CCDC7: variants seen among roughly 807,000 people sequenced by gnomAD.
CCDC7 encodes the protein coiled-coil domain-containing protein 7.
In CCDC7, 183 loss-of-function variants were observed where a neutral mutation model predicts 196.9. The ratio of observed to expected loss-of-function variants is 0.93; its 90% confidence interval spans 0.82 to 1.05. The LOEUF (loss-of-function observed/expected upper bound fraction) is 1.05, where lower values mean the gene tolerates loss of function less well. CCDC7 is among the 50% of genes least tolerant of loss of function. CCDC7 has a pLI of 0.00. For missense variants in CCDC7, 1,540 were observed against 1,482.2 expected (o/e 1.04, Z -0.64); for synonymous variants, 525 against 484.6 (o/e 1.08, Z -1.10).
chr10:32,849,865 G>C (rs1372006029), intron 39 of CCDC7, among the ~76,000 whole-genome samples: 6 of 152,106 alleles, frequency 3.9e-5, no homozygotes, highest in Non-Finnish European at 5.9e-5. Context: ...AGAACTGAAG[G>C]AGACCTCTGC....
chr10:32,629,040 A>G (rs57560001), intron 18 of CCDC7, among the ~76,000 whole-genome samples: 13,279 of 152,136 alleles, frequency 0.087, 852 homozygotes, highest in East Asian at 0.33. Flanking sequence ...GTTCAAGTCC[A>G]GTGTTTCGTT....
intron 32 of CCDC7, among the ~76,000 whole-genome samples, chr10:32,825,694 A>T (rs1282956455): frequency 6.6e-6 from 1 of 152,136 alleles, no homozygotes; most frequent in Admixed American, 6.5e-5. Flanking sequence ...ATGTGATTAA[A>T]CACAAAAATG....
chr10:32,847,881 T>C (rs1047183903), exon 38 of CCDC7: 1 of 1,611,080 alleles, frequency 6.2e-7, no homozygotes, highest in Non-Finnish European at 8.5e-7. Context: ...AGTAAAACAA[T>C]TGGTGAGATA....
chr10:32,879,324 T>C (rs564897325), downstream of CCDC7, among the ~76,000 whole-genome samples: 1 of 152,324 alleles, frequency 6.6e-6, no homozygotes, highest in East Asian at 1.9e-4. Context: ...CAGTATCTGC[T>C]AAATAAACAT....
At chr10:32,601,267 C>T (rs1157612404) in intron 18 of CCDC7, among the ~76,000 whole-genome samples, 4 of 152,172 alleles carry the variant, frequency 2.6e-5, no homozygotes, top group African/African-American at 9.7e-5. Flanking sequence ...GTTGAGGTTT[C>T]ACCATGTTGA....
At chr10:32,854,767 C>G (rs1401948862) in intron 41 of CCDC7, among the ~76,000 whole-genome samples, 2 of 152,118 alleles carry the variant, frequency 1.3e-5, no homozygotes, top group African/African-American at 2.4e-5. Context: ...CATTTTTAAG[C>G]TACTGCATGA....
At chr10:32,729,622 GCAT>G (rs2083618333) in intron 28 of CCDC7, among the ~76,000 whole-genome samples, 165 bp downstream of exon 29, 1 of 151,924 alleles carries the variant, frequency 6.6e-6, no homozygotes, top group Non-Finnish European at 1.5e-5. Context: ...TTACTCAGTT[GCAT>G]GTGTCAAATC....
At chr10:32,785,781 A>C (rs1392167534) in intron 29 of CCDC7, among the ~76,000 whole-genome samples, 1 of 152,130 alleles carries the variant, frequency 6.6e-6, no homozygotes, top group Admixed American at 6.6e-5. Flanking sequence ...AATTTTCTTC[A>C]TCTCTCTTTA....
At chr10:32,484,936 C>G (rs2134240936) in intron 8 of CCDC7, among the ~76,000 whole-genome samples, 1 of 152,308 alleles carries the variant, frequency 6.6e-6, no homozygotes, top group South Asian at 2.1e-4. Context: ...CGATGTTCAT[C>G]AGGGATATTG....
intron 9 of CCDC7, among the ~76,000 whole-genome samples, chr10:32,501,387 C>T (rs895147085): frequency 9.9e-5 from 15 of 152,054 alleles, no homozygotes; most frequent in Non-Finnish European, 2.2e-4. Flanking sequence ...TCTGTCAATT[C>T]GTCAAACTCA....
intron 11 of CCDC7, among the ~76,000 whole-genome samples, chr10:32,528,648 G>GTA (rs1167289755): frequency 1.9e-3 from 178 of 94,208 alleles, no homozygotes; most frequent in East Asian, 0.012. Context: ...GTGTGTGTGT[G>GTA]TGTATATATA....
intron 41 of CCDC7, among the ~76,000 whole-genome samples, chr10:32,867,542 A>G (rs987394826): frequency 1.3e-5 from 2 of 151,466 alleles, no homozygotes; most frequent in East Asian, 2.0e-4. Context: ...GAATTGATAG[A>G]AAAATCAAAA....
At chr10:32,786,123 A>C (rs188286168) in intron 29 of CCDC7, among the ~76,000 whole-genome samples, 46 of 152,330 alleles carry the variant, frequency 3.0e-4, no homozygotes, top group African/African-American at 1.1e-3. Flanking sequence ...CTGACATTGG[A>C]AGAAATATCT....
intron 33 of CCDC7, among the ~76,000 whole-genome samples, chr10:32,844,922 G>A (rs2093190868): frequency 1.3e-5 from 2 of 151,540 alleles, no homozygotes; most frequent in Non-Finnish European, 3.0e-5. Flanking sequence ...AAAATATATT[G>A]AAATCTGCTT....
intron 41 of CCDC7, among the ~76,000 whole-genome samples, chr10:32,856,346 A>G (rs1021600329): frequency 6.6e-6 from 1 of 152,204 alleles, no homozygotes. Flanking sequence ...GAATATATAG[A>G]GACCTCCTAC....
intron 21 of CCDC7, among the ~76,000 whole-genome samples, chr10:32,671,719 C>G (rs1004816461): frequency 5.9e-5 from 9 of 152,092 alleles, no homozygotes; most frequent in Non-Finnish European, 1.2e-4. Flanking sequence ...CCTCTTCTGA[C>G]TAGTTTAGCT....
At chr10:32,860,688 C>T (rs939018787) in intron 41 of CCDC7, among the ~76,000 whole-genome samples, 17 of 152,156 alleles carry the variant, frequency 1.1e-4, no homozygotes, top group Middle Eastern at 3.2e-3. Flanking sequence ...CCCAAATCTC[C>T]TTAAGCTGAT....
In CCDC7 at chr10:32,846,591, C is replaced by T. The variant is rs530125439; in HGVS notation, c.3688+132C>T. On this transcript the variant is annotated intron_variant, in intron 37 of 41. Coordinates refer to ENST00000639629, the Ensembl canonical transcript of CCDC7. ...ATAGGTAAAATTCATCATGAATATC[C>T]TTTAATTAAGCTCTAGCATTTACTA... 3 of 554,794 alleles carry T rather than the reference C, an allele frequency of 5.4e-6. No homozygotes were observed. In the South Asian group the frequency reaches 8.4e-5, roughly 16 times the overall value. The allele number at this position is 554,794 out of a possible 1,614,324, so 34.4% of individuals were successfully genotyped here.
At chr10:32,717,591 GT>G (rs201051105) in intron 25 of CCDC7, among the ~76,000 whole-genome samples, 1 of 151,486 alleles carries the variant, frequency 6.6e-6, no homozygotes, top group Non-Finnish European at 1.5e-5. Flanking sequence ...TTCAGGAGCT[GT>G]TTTTTTGAAA....
Sources: gnomAD v4.1 joint callset for allele counts (sites outside exome capture counted in the v4.1 genomes callset) on GRCh38, gnomAD v4.1.1 for gene constraint, MANE v1.5 for transcripts, NCBI Gene and HGNC (gene_info 2026-07-23, HGNC 2026-07-21) for gene names.